Variants in EYA1 observed in about 807,000 individuals in gnomAD.
The protein encoded by EYA1 is EYA transcriptional coactivator and phosphatase 1, also known as protein phosphatase EYA1.
In EYA1, 16 loss-of-function variants were observed where a neutral mutation model predicts 82.0. The observed-to-expected ratio is 0.20, with a 90% CI of 0.13 to 0.30. The LOEUF (loss-of-function observed/expected upper bound fraction) is 0.30. EYA1 is among the 10% of genes least tolerant of loss of function. The pLI is 1.00. For missense variants in EYA1, 633 were observed against 730.7 expected, an observed-to-expected ratio of 0.87 and a Z score of 1.54; for synonymous variants, 261 against 264.4, an observed-to-expected ratio of 0.99 and a Z score of 0.12.
chr8:71,263,798 C>T (rs1815431591), intron 11 of EYA1, among the ~76,000 whole-genome samples: 2 of 152,172 alleles, frequency 1.3e-5, no homozygotes, highest in Admixed American at 1.3e-4. Flanking sequence ...ACTTAAACAA[C>T]ATTCTTAAAG....
At chr8:71,520,494 GA>G (rs1478415316) in intron 2 of EYA1, among the ~76,000 whole-genome samples, 2 of 152,164 alleles carry the variant, frequency 1.3e-5, no homozygotes, top group African/African-American at 4.8e-5. Flanking sequence ...AAGAAGGTAA[GA>G]AATTTCACAC....
chr8:71,540,606 T>C (rs1424129164), intron 1 of EYA1, among the ~76,000 whole-genome samples: 1 of 152,064 alleles, frequency 6.6e-6, no homozygotes, highest in East Asian at 1.9e-4. Context: ...AAGAAAACAA[T>C]ATTTATTTTT....
chr8:71,523,763 G>C (rs1478732765), intron 2 of EYA1, among the ~76,000 whole-genome samples: 1 of 152,080 alleles, frequency 6.6e-6, no homozygotes, highest in Non-Finnish European at 1.5e-5. Flanking sequence ...CTACCATTTT[G>C]TTTTAAGATG....
intron 2 of EYA1, among the ~76,000 whole-genome samples, chr8:71,450,894 A>G (rs953979226): frequency 6.6e-6 from 1 of 152,260 alleles, no homozygotes; most frequent in African/African-American, 2.4e-5. Flanking sequence ...AATGCTTTTA[A>G]CTTCCGTAAA....
chr8:71,448,574 G>A (rs531221462), intron 2 of EYA1, among the ~76,000 whole-genome samples: 2 of 152,260 alleles, frequency 1.3e-5, no homozygotes, highest in South Asian at 2.1e-4. Flanking sequence ...TGATCTCCTA[G>A]GGATCACAAA....
intron 9 of EYA1, among the ~76,000 whole-genome samples, chr8:71,281,973 A>G (rs747119189): frequency 2.0e-5 from 3 of 152,180 alleles, no homozygotes; most frequent in Non-Finnish European, 4.4e-5. Flanking sequence ...GCCTATATTT[A>G]TTATGCACCA....
chr8:71,296,188 T>C (rs1819577718), intron 9 of EYA1, among the ~76,000 whole-genome samples: 1 of 152,214 alleles, frequency 6.6e-6, no homozygotes, highest in African/African-American at 2.4e-5. Context: ...TCAAGTTATA[T>C]TATTTTTAAC....
chr8:71,415,883 T>G (rs1830827425), intron 2 of EYA1, among the ~76,000 whole-genome samples: 1 of 152,260 alleles, frequency 6.6e-6, no homozygotes, highest in Admixed American at 6.5e-5. Context: ...TTTTATTTAA[T>G]CCCTGTAGAG....
At chr8:71,513,739 A>G (rs1812768867) in intron 2 of EYA1, among the ~76,000 whole-genome samples, 2 of 151,374 alleles carry the variant, frequency 1.3e-5, no homozygotes, top group South Asian at 4.2e-4. Flanking sequence ...TAACCCTCCC[A>G]CCTCCTCTCC....
At chr8:71,502,335 A>G (rs899934270) in intron 2 of EYA1, among the ~76,000 whole-genome samples, 1 of 152,162 alleles carries the variant, frequency 6.6e-6, no homozygotes, top group Non-Finnish European at 1.5e-5. Flanking sequence ...TCTGCTCCAC[A>G]TATTTCTTTT....
intron 11 of EYA1, among the ~76,000 whole-genome samples, chr8:71,246,249 G>A (rs115224278): frequency 1.4e-3 from 218 of 152,034 alleles, no homozygotes; most frequent in African/African-American, 4.7e-3. Context: ...TTATTGTCAC[G>A]GCAAACCTTT....
chr8:71,411,585 C>G (rs977755655), intron 2 of EYA1, among the ~76,000 whole-genome samples: 2 of 151,482 alleles, frequency 1.3e-5, no homozygotes, highest in Non-Finnish European at 2.9e-5. Flanking sequence ...TGAACAGACA[C>G]TTCTCAAAAG....
At chr8:71,465,681 T>C (rs1283924501) in intron 2 of EYA1, among the ~76,000 whole-genome samples, 2 of 152,084 alleles carry the variant, frequency 1.3e-5, no homozygotes, top group African/African-American at 4.8e-5. Context: ...ACTCAGAATA[T>C]TTAGTTTATC....
intron 2 of EYA1, among the ~76,000 whole-genome samples, chr8:71,434,203 T>C (rs142943278): frequency 6.6e-6 from 1 of 152,344 alleles, no homozygotes; most frequent in African/African-American, 2.4e-5. Flanking sequence ...ATGAGACTAA[T>C]AACTTTCTAG....
At chr8:71,244,490 AC>A (rs1380422988) in intron 12 of EYA1, 112 bp downstream of exon 12, 10 of 661,768 alleles carry the variant, frequency 1.5e-5, no homozygotes, top group Non-Finnish European at 2.7e-5. Context: ...TTACCAACAA[AC>A]CTCTGTCTCA....
At chr8:71,412,004 A>G (rs1268553785) in intron 2 of EYA1, among the ~76,000 whole-genome samples, 1 of 152,088 alleles carries the variant, frequency 6.6e-6, no homozygotes. Context: ...GATAGACTGC[A>G]TTAAGAAAAT....
chr8:71,538,835 C>A (rs1368524212), intron 1 of EYA1, among the ~76,000 whole-genome samples: 1 of 152,058 alleles, frequency 6.6e-6, no homozygotes, highest in Non-Finnish European at 1.5e-5. Context: ...GAGGCAGGTG[C>A]CTTGGTGTCA....
intron 17 of EYA1, among the ~76,000 whole-genome samples, chr8:71,206,831 C>G (rs542344291): frequency 4.0e-4 from 61 of 152,138 alleles, no homozygotes; most frequent in African/African-American, 1.5e-3. Context: ...GTTCGGCTAA[C>G]TGCAGTCTTG....
In EYA1 at chr8:71,420,869, C is replaced by T. The variant is rs1416623472; in HGVS notation, c.34-64358G>A. Among the ~76,000 whole-genome samples the T allele has an allele frequency of 4.6e-5, 7 of 152,154 alleles. No homozygotes were observed. In the East Asian group the frequency reaches 1.3e-3, roughly 29 times the overall value. ...TGAGAGGCAAAGGTAACAAACACCA[C>T]AAAATTTGACCCAGGTTGTCAAGGC... On this transcript the variant is annotated intron_variant, in intron 2 of 18. Transcript: ENST00000643681.
Sources: allele counts gnomAD v4.1 joint callset (sites outside exome capture counted in the v4.1 genomes callset), GRCh38; gene constraint gnomAD v4.1.1; transcripts MANE v1.5; gene names NCBI Gene and HGNC (gene_info 2026-07-23, HGNC 2026-07-21).